EPAS1: variants seen among roughly 807,000 people sequenced by gnomAD.
EPAS1 encodes the protein endothelial PAS domain protein 1, also known as endothelial PAS domain-containing protein 1.
EPAS1 carries 23 observed loss-of-function variants against 87.9 expected under a neutral mutation model. The observed-to-expected ratio is 0.26, with a 90% CI of 0.19 to 0.37. The LOEUF (loss-of-function observed/expected upper bound fraction) is 0.37, where lower values mean the gene tolerates loss of function less well. Ranked by LOEUF, EPAS1 falls within the 10% of genes least tolerant of loss-of-function variation. EPAS1 has a pLI of 1.00. For missense variants in EPAS1, 1,138 were observed against 1,120.7 expected, an observed-to-expected ratio of 1.02 and a Z score of -0.22; for synonymous variants, 508 against 444.3, an observed-to-expected ratio of 1.14 and a Z score of -1.80.
In EPAS1 at chr2:46,380,593, C is replaced by T; in HGVS notation, c.1921C>T (p.Pro641Ser). 6.2e-7 allele frequency: 1 copy of T among 1,614,118 alleles called. No homozygotes were observed. The highest frequency in any genetic ancestry group is 1.1e-5 in the South Asian group (1 of 91,084). ...MGGRSNTQWP[P>S]DPPLHFGPTK... ...GGGCAGATCCAATACCCAGTGGCCC[C>T]CAGATCCACCATTACATTTTGGGCC... The change falls in exon 12 of 16, where the codon CCA becomes TCA. Residue 641 changes from proline to serine, a missense_variant. Pro to Ser is a moderately conservative substitution (Grantham distance 74). Transcript: ENST00000263734. This position sits in a 1 kb window ranked among gnomAD's most constrained non-coding sequence, Gnocchi z 4.4.
intron 6 of EPAS1, among the ~76,000 whole-genome samples, chr2:46,366,358 A>T (rs989896617): frequency 3.3e-5 from 5 of 152,212 alleles, no homozygotes; most frequent in Non-Finnish European, 7.3e-5. Flanking sequence ...TTGAAGGCAC[A>T]TCTCACTCTG....
In EPAS1 at chr2:46,375,190, CAAAAA is replaced by C. The variant is rs111768510; in HGVS notation, c.887-495_887-491del. On this transcript the variant is annotated intron_variant, in intron 7 of 15. Coordinates refer to ENST00000263734, the MANE Select transcript of EPAS1 (RefSeq NM_001430.5). The surrounding 1 kb of genome is among the most constrained non-coding windows in gnomAD (Gnocchi z 4.1). ...TGGTGGGTCTGCTGAAAAAAAAAAACAAAAAAAAACAAAAAAAACTGCCCTGAGGT... is the reference window on the plus strand; with the variant it reads ...TGGTGGGTCTGCTGAAAAAAAAAAACAAAACAAAAAAAACTGCCCTGAGGT... 1.5e-5 allele frequency among the ~76,000 whole-genome samples: 2 copies of C among 135,222 alleles called. No individual in the cohort carries two copies. Among genetic ancestry groups the C allele is most frequent in the African/African-American group, 5.3e-5 (2 of 37,746 alleles). 88.7% of individuals were successfully genotyped at this position (135,222 alleles called of 152,430 possible). A position where few individuals can be genotyped will look rare whatever the true frequency, so the allele number is the denominator to read the frequency against.
chr2:46,351,433 T>A (rs1220068668), intron 2 of EPAS1, among the ~76,000 whole-genome samples: 1 of 152,130 alleles, frequency 6.6e-6, no homozygotes, highest in Non-Finnish European at 1.5e-5. Context: ...GTGCCTTCTG[T>A]CAAAGGCATC....
In EPAS1 at chr2:46,380,478, G is replaced by A. The variant is rs1247098954; in HGVS notation, c.1806G>A (p.Arg602=). The A allele has an allele frequency of 3.7e-6, 6 of 1,614,112 alleles. No homozygotes were observed. The highest frequency in any genetic ancestry group is 2.7e-5 in the African/African-American group (2 of 75,030). Residue 602 remains arginine, a synonymous_variant, in exon 12 of 16, where the codon CGG becomes CGA. Transcript: ENST00000263734. This position sits in a 1 kb window ranked among gnomAD's most constrained non-coding sequence, Gnocchi z 4.4. ...LESKKTEPEH[R]PMSSIFFDAG... ...GCAAGAAGACAGAGCCCGAGCACCG[G>A]CCCATGTCCTCCATCTTCTTTGATG...
At chr2:46,317,882 C>T (rs1683373032) in intron 1 of EPAS1, among the ~76,000 whole-genome samples, 1 of 152,212 alleles carries the variant, frequency 6.6e-6, no homozygotes, top group Non-Finnish European at 1.5e-5. Flanking sequence ...ATGTGACGAA[C>T]CAACCTCTGC....
Position 46,380,172 on chromosome 2 carries a change from G to A in EPAS1, c.1555-55G>A, listed in dbSNP as rs1684853785. On this transcript the variant is annotated intron_variant, in intron 11 of 15. Transcript: ENST00000263734. This position sits in a 1 kb window ranked among gnomAD's most constrained non-coding sequence, Gnocchi z 4.4. ...TCTGCAGGAGCTGAGTTGGAATAGT[G>A]TTTGTGAGGTCGTACCAACCCCCTT... 1 of 1,600,540 alleles carries A rather than the reference G, an allele frequency of 6.2e-7. No individual in the cohort carries two copies. Among genetic ancestry groups the A allele is most frequent in the Admixed American group, 1.7e-5 (1 of 60,028 alleles).
chr2:46,369,567 G>A lies in EPAS1; in HGVS notation c.780-260G>A, dbSNP rs1325624226. 7.2e-5 allele frequency among the ~76,000 whole-genome samples: 11 copies of A among 152,188 alleles called. No individual in the cohort carries two copies. In the South Asian group the frequency reaches 2.1e-3, roughly 29 times the overall value. ...TGTGTACCGGGGTGGTGGGGAGAGG[G>A]AGTCCTCAGAACTGGTGCTTTTCTC... is the stretch of plus-strand genomic sequence containing the variant. On this transcript the variant is annotated intron_variant, in intron 6 of 15. Transcript: ENST00000263734.
At chr2:46,382,804 T>A (rs1219857757) in intron 15 of EPAS1, among the ~76,000 whole-genome samples, 1 of 151,908 alleles carries the variant, frequency 6.6e-6, no homozygotes, top group Non-Finnish European at 1.5e-5. Flanking sequence ...CCCCAGTGGG[T>A]GGGTCTGAGA....
intron 6 of EPAS1, among the ~76,000 whole-genome samples, chr2:46,363,888 C>T (rs1684452235): frequency 6.6e-6 from 1 of 152,194 alleles, no homozygotes; most frequent in South Asian, 2.1e-4. Flanking sequence ...CTGTGTCACA[C>T]AGAAGTTGTG....
Position 46,384,919 on chromosome 2 carries a change from T to G in EPAS1, c.*259T>G. On this transcript the variant is annotated 3_prime_UTR_variant, in exon 16 of 16. Coordinates refer to ENST00000263734, the MANE Select transcript of EPAS1 (RefSeq NM_001430.5). ...TTGTAGGATTTTTTTCCTCCCCACCTTCAATGACTTCTAATTTATATTATC... is the reference window on the plus strand; with the variant it reads ...TTGTAGGATTTTTTTCCTCCCCACCGTCAATGACTTCTAATTTATATTATC... 2.0e-6 allele frequency: 1 copy of G among 511,636 alleles called. No individual in the cohort carries two copies. Among genetic ancestry groups the G allele is most frequent in the South Asian group, 2.1e-5 (1 of 48,138 alleles). The allele number at this position is 511,636 out of a possible 1,614,324, so 31.7% of individuals were successfully genotyped here.
intron 1 of EPAS1, among the ~76,000 whole-genome samples, chr2:46,332,571 G>A (rs1318992705): frequency 6.6e-6 from 1 of 152,078 alleles, no homozygotes; most frequent in Non-Finnish European, 1.5e-5. Flanking sequence ...TTGAAGTTTG[G>A]GCTAATGGAC....
chr2:46,346,977 C>T lies in EPAS1; in HGVS notation c.131C>T (p.Pro44Leu). ...GAGCTGGCCCATGAGCTGCCTCTGC[C>T]CCACAGTGTGAGCTCCCATCTGGAC... Reference protein sequence around the residue: ...FYELAHELPLPHSVSSHLDKA... With the variant: ...FYELAHELPLLHSVSSHLDKA... Residue 44 changes from proline to leucine, a missense_variant, in exon 2 of 16, where the codon CCC (proline) becomes CTC (leucine). Physicochemically the swap from Pro to Leu is moderately conservative, Grantham distance 98. Around this residue, in one of 4 missense-constraint regions of EPAS1, gnomAD observed 351 missense variants for 417.1 expected, o/e 0.84. Coordinates refer to ENST00000263734, the MANE Select transcript of EPAS1 (RefSeq NM_001430.5). The surrounding 1 kb of genome is among the most constrained non-coding windows in gnomAD (Gnocchi z 4.0). 1 of 1,614,196 alleles carries T rather than the reference C, an allele frequency of 6.2e-7. No individual in the cohort carries two copies. Among genetic ancestry groups the T allele is most frequent in the Non-Finnish European group, 8.5e-7 (1 of 1,180,022 alleles).
intron 12 of EPAS1, chr2:46,381,263 C>T (rs570593112): frequency 9.7e-5 from 39 of 402,086 alleles, no homozygotes; most frequent in African/African-American, 7.6e-4. Flanking sequence ...TGGTACTTGC[C>T]CTTTATAGAG....
intron 2 of EPAS1, 120 bp from the exon 3 acceptor site, chr2:46,356,031 C>T (rs1034059612): frequency 9.4e-6 from 10 of 1,065,752 alleles, no homozygotes; most frequent in Non-Finnish European, 1.3e-5. Flanking sequence ...TGGCAGTATG[C>T]GTTTCCAGAA....
chr2:46,375,961 A>G lies in EPAS1; in HGVS notation c.1034+124A>G. ...CAGCGCCCTGGGCACCACCTCAGGGAGGTCTTGCAGGGCTAACCCTAGTGA... is the reference window on the plus strand; with the variant it reads ...CAGCGCCCTGGGCACCACCTCAGGGGGGTCTTGCAGGGCTAACCCTAGTGA... On this transcript the variant is annotated intron_variant, in intron 8 of 15. Coordinates refer to ENST00000263734, the MANE Select transcript of EPAS1 (RefSeq NM_001430.5). This position sits in a 1 kb window ranked among gnomAD's most constrained non-coding sequence, Gnocchi z 4.1. 1 of 1,283,834 alleles carries G rather than the reference A, an allele frequency of 7.8e-7. No homozygotes were observed. Among genetic ancestry groups the G allele is most frequent in the Non-Finnish European group, 1.1e-6 (1 of 888,890 alleles). The allele number at this position is 1,283,834 out of a possible 1,614,324, so 79.5% of individuals were successfully genotyped here. A position where few individuals can be genotyped will look rare whatever the true frequency, so the allele number is the denominator to read the frequency against.
At position 46,360,839 on chromosome 2, in the gene EPAS1, C is replaced by T; in HGVS notation, c.574-46C>T. 3.7e-6 allele frequency: 6 copies of T among 1,613,444 alleles called. No homozygotes were observed. Among genetic ancestry groups the T allele is most frequent in the Non-Finnish European group, 5.1e-6 (6 of 1,179,388 alleles). ...GGATGCCTAAGGCCCTACCCCCACC[C>T]CCAGCACTCTCGGCTCCATGTCTGA... On this transcript the variant is annotated intron_variant, in intron 5 of 15. Transcript: ENST00000263734. This position sits in a 1 kb window ranked among gnomAD's most constrained non-coding sequence, Gnocchi z 4.5.
At position 46,354,697 on chromosome 2, in the gene EPAS1, C is replaced by G. The variant is rs78272128; in HGVS notation, c.218-1454C>G. On this transcript the variant is annotated intron_variant, in intron 2 of 15. Coordinates refer to ENST00000263734, the MANE Select transcript of EPAS1 (RefSeq NM_001430.5). ...TTGCACCTCTGGGCTTCACTCTCTC[C>G]AAACCATTCTGTACGCCATTGCCAG... is the stretch of plus-strand genomic sequence containing the variant. Among the ~76,000 whole-genome samples, 3 of 152,124 alleles carry G rather than the reference C, an allele frequency of 2.0e-5. No homozygotes were observed. The South Asian group carries it at 6.2e-4, about 32-fold the overall frequency.
intron 1 of EPAS1, among the ~76,000 whole-genome samples, chr2:46,324,820 G>T (rs1683521762): frequency 6.6e-6 from 1 of 152,258 alleles, no homozygotes; most frequent in Non-Finnish European, 1.5e-5. Flanking sequence ...GTTGAGAATA[G>T]AGAAGTCCAG....
intron 1 of EPAS1, among the ~76,000 whole-genome samples, chr2:46,340,025 A>G (rs1258089529): frequency 2.6e-5 from 4 of 152,174 alleles, no homozygotes; most frequent in African/African-American, 4.8e-5. Context: ...CTTGGCACCC[A>G]CTAAGGCTTG....
Sources: allele counts gnomAD v4.1 joint callset (sites outside exome capture counted in the v4.1 genomes callset), GRCh38; gene constraint gnomAD v4.1.1; regional missense constraint gnomAD v4.1.1; non-coding constraint Gnocchi (gnomAD v3.1); transcripts MANE v1.5; gene names NCBI Gene and HGNC (gene_info 2026-07-23, HGNC 2026-07-21).